The following CD72 variants were observed in gnomAD, a reference collection of about 807,000 sequenced individuals.
The protein encoded by CD72 is CD72 molecule, also known as B-cell differentiation antigen CD72.
A neutral mutation model predicts 50.7 loss-of-function variants in CD72; 28 were observed. The ratio of observed to expected loss-of-function variants is 0.55; its 90% CI spans 0.41 to 0.76. The LOEUF (loss-of-function observed/expected upper bound fraction) is 0.76, where lower values mean the gene tolerates loss of function less well. Among genes scored for constraint, CD72 ranks in the 30% least tolerant of loss-of-function variants. The pLI is 0.00. For missense variants in CD72, 403 were observed against 420.6 expected (o/e 0.96, Z 0.37); for synonymous variants, 176 against 171.2 (o/e 1.03, Z -0.22).
At chr9:35,636,570 CT>C (rs1563899980) in intron 1 of CD72, among the ~76,000 whole-genome samples, 1 of 152,218 alleles carries the variant, frequency 6.6e-6, no homozygotes, top group Admixed American at 6.5e-5. Flanking sequence ...TTAAACCCAT[CT>C]TTGAGAGACT....
At chr9:35,610,886 G>T in intron 7 of CD72, 133 bp from the exon 8 acceptor site, 2 of 616,704 alleles carry the variant, frequency 3.2e-6, no homozygotes, top group Non-Finnish European at 2.8e-6. Context: ...CATGGTTCAG[G>T]ACAGATGTCT....
chr9:35,617,348 G>C, intron 2 of CD72, 101 bp from the exon 3 acceptor site: 4 of 1,301,630 alleles, frequency 3.1e-6, no homozygotes, highest in Non-Finnish European at 4.2e-6. Flanking sequence ...ACTCCAGTCT[G>C]CCCTACGTTG....
chr9:35,629,700 A>G (rs955620131), intron 1 of CD72, among the ~76,000 whole-genome samples: 1 of 152,222 alleles, frequency 6.6e-6, no homozygotes, highest in Non-Finnish European at 1.5e-5. Flanking sequence ...ACTGGAACCC[A>G]AGTCAGTCTC....
chr9:35,612,984 C>G lies in CD72; in HGVS notation c.698G>C (p.Cys233Ser). 1.2e-6 allele frequency: 2 copies of G among 1,609,322 alleles called. No homozygotes were observed. The highest frequency in any genetic ancestry group is 1.7e-6 in the Non-Finnish European group (2 of 1,176,696). The change falls in exon 6 of 9, where the codon TGT (cysteine) becomes TCT (serine). Residue 233 changes from cysteine (C) to serine (S), a missense_variant. Cys to Ser is a moderately radical substitution (Grantham distance 112). Transcript: ENST00000259633. ...FFTCGSADTC[C>S]PSGWIMHQKS... Reference sequence around the variant, plus strand: ...CTGATGCATTATCCATCCCGACGGACAGCAGGTGTCTAAAAAGCAGAAAGA... The same window carrying G: ...CTGATGCATTATCCATCCCGACGGAGAGCAGGTGTCTAAAAAGCAGAAAGA...
intron 1 of CD72, among the ~76,000 whole-genome samples, chr9:35,637,875 C>T (rs373363958): frequency 6.6e-6 from 1 of 152,140 alleles, no homozygotes; most frequent in Non-Finnish European, 1.5e-5. Context: ...GTGTCTCTAC[C>T]TTTCTCTTTA....
In CD72 at chr9:35,616,744, G is replaced by C. The variant is rs1823070762; in HGVS notation, c.263-55C>G. On this transcript the variant is annotated intron_variant, in intron 3 of 8. Coordinates refer to ENST00000259633, the MANE Select transcript of CD72 (RefSeq NM_001782.3). Reference sequence around the variant, plus strand: ...AGTCAGCCCCCGTAAAGAATGTAGAGAGGAAGGGACAGGTCCGTGGGGGAG... The same window carrying C: ...AGTCAGCCCCCGTAAAGAATGTAGACAGGAAGGGACAGGTCCGTGGGGGAG... 2.7e-6 allele frequency: 4 copies of C among 1,468,496 alleles called. No individual in the cohort carries two copies. In the South Asian group the frequency reaches 4.6e-5, roughly 17 times the overall value. The allele number at this position is 1,468,496 out of a possible 1,614,324, so 91.0% of individuals were successfully genotyped here. A position where few individuals can be genotyped will look rare whatever the true frequency, so the allele number is the denominator to read the frequency against.
rs1252177226 is a variant in CD72 at position 35,645,158 on chromosome 9, C to T, written n.408+1245G>A. 2.1e-5 allele frequency among the ~76,000 whole-genome samples: 3 copies of T among 146,340 alleles called. No individual in the cohort carries two copies. The East Asian group carries it at 6.0e-4, about 29-fold the overall frequency. On this transcript the variant is annotated intron_variant and non_coding_transcript_variant, in intron 1 of 3. Transcript: ENST00000465754. ...AGGTTGCAGTGAGCCGAGATCTCGCCACTGCACTTCAGCCTGGGCAACAAG... is the reference window on the plus strand; with the variant it reads ...AGGTTGCAGTGAGCCGAGATCTCGCTACTGCACTTCAGCCTGGGCAACAAG...
intron 5 of CD72, among the ~76,000 whole-genome samples, chr9:35,613,463 C>A (rs1340692545): frequency 6.6e-6 from 1 of 152,126 alleles, no homozygotes; most frequent in Non-Finnish European, 1.5e-5. Context: ...CAAAATTTCT[C>A]TTCTCTGTTC....
chr9:35,617,034 G>T, intron 3 of CD72, 142 bp downstream of exon 3: 1 of 1,468,978 alleles, frequency 6.8e-7, no homozygotes, highest in Non-Finnish European at 9.0e-7. Context: ...GAAGGTGAAT[G>T]TGGCACGGCA....
rs553024829 is a variant in CD72, at chr9:35,616,699, A to T, written c.263-10T>A. Reference sequence around the variant, plus strand: ...AGGCAGGTTGTGCGGCCTTAGGGGGACAGTGGGATGGATGAGGGCAGTCAG... The same window carrying T: ...AGGCAGGTTGTGCGGCCTTAGGGGGTCAGTGGGATGGATGAGGGCAGTCAG... On this transcript the variant is annotated splice_polypyrimidine_tract_variant and intron_variant, in intron 3 of 8. Transcript: ENST00000259633. The T allele has an allele frequency of 6.2e-7, 1 of 1,607,526 alleles. No homozygotes were observed. The highest frequency in any genetic ancestry group is 1.3e-5 in the African/African-American group (1 of 74,814).
chr9:35,610,653 C>T lies in CD72; in HGVS notation c.1051G>A (p.Glu351Lys). ...TCTGGAAACCTGAAAGCTGTCATCT[C>T]ACAGATGTAGGGAAGAGAACTTCTA... The part of the protein sequence containing the change: ...SCRSSLPYIC[E>K]MTAFRFPD The change falls in exon 8 of 9, where the codon GAG becomes AAG. Residue 351 changes from glutamate to lysine, a missense_variant. Physicochemically the swap from Glu to Lys is moderately conservative, Grantham distance 56 (BLOSUM62 1). Transcript: ENST00000259633. The T allele has an allele frequency of 6.2e-7, 1 of 1,614,028 alleles. No homozygotes were observed. Among genetic ancestry groups the T allele is most frequent in the Non-Finnish European group, 8.5e-7 (1 of 1,179,888 alleles).
chr9:35,627,870 C>CT (rs937396597), intron 1 of CD72, among the ~76,000 whole-genome samples: 2 of 151,906 alleles, frequency 1.3e-5, no homozygotes, highest in African/African-American at 4.8e-5. Context: ...GCGTCTCACT[C>CT]TGTCACCCAG....
chr9:35,616,017 T>C lies in CD72; in HGVS notation c.614A>G (p.Gln205Arg). 1 of 1,614,126 alleles carries C rather than the reference T, an allele frequency of 6.2e-7. No individual in the cohort carries two copies. The change falls in exon 5 of 9, where the codon CAG becomes CGG. Residue 205 changes from glutamine to arginine, a missense_variant. Coordinates refer to ENST00000259633, the MANE Select transcript of CD72 (RefSeq NM_001782.3). ...TKETLQSEEQQRRALEQKLSN... is the reference protein window; with the variant it reads ...TKETLQSEEQRRRALEQKLSN... Reference sequence around the variant, plus strand: ...CAGCTTCTGCTCCAAGGCCCTCCTCTGTTGCTCCTCACTTTGCAAGGTCTC... The same window carrying C: ...CAGCTTCTGCTCCAAGGCCCTCCTCCGTTGCTCCTCACTTTGCAAGGTCTC...
chr9:35,610,487 C>G (rs148620927), intron 8 of CD72, 115 bp downstream of exon 8: 266 of 455,924 alleles, frequency 5.8e-4, no homozygotes, highest in African/African-American at 5.4e-3. Context: ...TGTGGAGGAA[C>G]TTTCATCCCA....
rs1381071205 is a variant in CD72, at chr9:35,612,916, C to T, written c.766G>A (p.Glu256Lys). ...YISLTSKNWQESQKQCETLSS... is the reference protein window; with the variant it reads ...YISLTSKNWQKSQKQCETLSS... ...AGAGTTTCACATTGTTTTTGGCTCT[C>T]CTGCCAATTTTTTGAAGTAAGTGAG... is the stretch of plus-strand genomic sequence containing the variant. The change falls in exon 6 of 9, where the codon GAG becomes AAG. Residue 256 changes from glutamate to lysine, a missense_variant. By Grantham distance (56) the Glu-to-Lys change is moderately conservative. Coordinates refer to ENST00000259633, the MANE Select transcript of CD72 (RefSeq NM_001782.3). The T allele has an allele frequency of 6.2e-7, 1 of 1,613,920 alleles. No individual in the cohort carries two copies. Among genetic ancestry groups the T allele is most frequent in the Non-Finnish European group, 8.5e-7 (1 of 1,179,968 alleles).
At chr9:35,613,175 C>T (rs1823013016) in intron 5 of CD72, among the ~76,000 whole-genome samples, 182 bp from the exon 6 acceptor site, 1 of 152,176 alleles carries the variant, frequency 6.6e-6, no homozygotes, top group Admixed American at 6.5e-5. Flanking sequence ...AGTAAAAAGA[C>T]TTTAACATTC....
At chr9:35,643,099 A>C (rs1345555537) in intron 1 of CD72, 1 of 151,538 alleles carries the variant, frequency 6.6e-6, no homozygotes, top group Non-Finnish European at 1.5e-5. Flanking sequence ...CTCCTTCAAA[A>C]CCTCCTCGTG....
upstream of CD72, among the ~76,000 whole-genome samples, chr9:35,623,725 T>C (rs1563897658): frequency 6.6e-6 from 1 of 152,100 alleles, no homozygotes; most frequent in Non-Finnish European, 1.5e-5. Flanking sequence ...AAGACCAGCC[T>C]GGCCAACATG....
intron 5 of CD72, among the ~76,000 whole-genome samples, chr9:35,614,147 A>G (rs1823034753): frequency 6.6e-6 from 1 of 152,232 alleles, no homozygotes; most frequent in Non-Finnish European, 1.5e-5. Context: ...TGAGGAAGAG[A>G]AAGTCAGTGT....
Sources: allele counts gnomAD v4.1 joint callset (sites outside exome capture counted in the v4.1 genomes callset), GRCh38; gene constraint gnomAD v4.1.1; transcripts MANE v1.5; gene names NCBI Gene and HGNC (gene_info 2026-07-23, HGNC 2026-07-21).